The following CIROP variants were observed in gnomAD, a reference collection of about 807,000 sequenced individuals.
The protein encoded by CIROP is leishmanolysin homolog.
the CIROP span, chr14:23,103,593 T>A: frequency 1.3e-5 from 4 of 317,210 alleles, no homozygotes; most frequent in African/African-American, 1.1e-4. Flanking sequence ...AAAACAAAAC[T>A]GCTTTTATGC....
At chr14:23,104,986 C>CA in the CIROP span, 24 of 630,810 alleles carry the variant, frequency 3.8e-5, no homozygotes, top group Non-Finnish European at 6.6e-5. Flanking sequence ...TTCCCTGGCT[C>CA]ACTGTTTCTG....
At chr14:23,103,870 T>C in the CIROP span, 5 of 684,958 alleles carry the variant, frequency 7.3e-6, no homozygotes, top group South Asian at 1.5e-5. Context: ...CAGTAGGAAA[T>C]TGGGTATGAG....
the CIROP span, chr14:23,100,143 A>C: frequency 5.7e-6 from 1 of 174,208 alleles, no homozygotes. Context: ...AGTCCCAGCT[A>C]CTTGGGAAGC....
At chr14:23,104,901 AGC>A in the CIROP span, 3 of 568,602 alleles carry the variant, frequency 5.3e-6, no homozygotes, top group South Asian at 5.2e-5. Context: ...CAGCAGCAGC[AGC>A]AGCAGCAGCA....
At chr14:23,103,953 C>A in the CIROP span, 1 of 591,252 alleles carries the variant, frequency 1.7e-6, no homozygotes, top group Non-Finnish European at 3.0e-6. Context: ...GAGTTCTGCC[C>A]CTTCACCCCC....
At chr14:23,099,125 T>C in the CIROP span, 1 of 409,916 alleles carries the variant, frequency 2.4e-6, no homozygotes, top group Non-Finnish European at 4.5e-6. Flanking sequence ...ACTGTAAAAC[T>C]TCACCCTTTT....
chr14:23,101,860 T>C, the CIROP span: 2 of 702,526 alleles, frequency 2.8e-6, no homozygotes, highest in Non-Finnish European at 5.2e-6. Flanking sequence ...ACAGAAGAAG[T>C]CTGAGGAGCC....
the CIROP span, chr14:23,103,078 G>A: frequency 4.2e-6 from 2 of 477,686 alleles, no homozygotes; most frequent in Non-Finnish European, 7.3e-6. Context: ...ACAGGGTAGG[G>A]CCAGAAAGGA....
At chr14:23,104,095 T>C in the CIROP span, 7 of 588,276 alleles carry the variant, frequency 1.2e-5, no homozygotes, top group Middle Eastern at 4.4e-4. Context: ...TCCCTGAGAC[T>C]GAGAGGTGAG....
the CIROP span, chr14:23,100,720 C>T: frequency 2.5e-6 from 1 of 398,838 alleles, no homozygotes; most frequent in African/African-American, 2.1e-5. Flanking sequence ...AGATATAGTT[C>T]CTGGCAGAGT....
chr14:23,100,685 A>G, the CIROP span: 1 of 399,080 alleles, frequency 2.5e-6, no homozygotes, highest in Non-Finnish European at 4.4e-6. Context: ...ATAGCACCTA[A>G]ATGGACATTT....
chr14:23,101,838 A>G, the CIROP span: 1 of 702,716 alleles, frequency 1.4e-6, no homozygotes, highest in Non-Finnish European at 2.6e-6. Context: ...CTCAGCACAC[A>G]CACCTGCCAG....
chr14:23,104,086 C>A, the CIROP span, among the ~76,000 whole-genome samples: 49 of 152,314 alleles, frequency 3.2e-4, no homozygotes, highest in Non-Finnish European at 5.3e-4. Context: ...ATCTCCAGAT[C>A]CCTGAGACTG....
the CIROP span, chr14:23,104,708 A>G: frequency 1.4e-6 from 1 of 702,848 alleles, no homozygotes; most frequent in Non-Finnish European, 2.6e-6. Context: ...CTGATATATG[A>G]TCTCCTAGAT....
At chr14:23,104,687 C>A in the CIROP span, 1 of 702,978 alleles carries the variant, frequency 1.4e-6, no homozygotes, top group Non-Finnish European at 2.6e-6. Context: ...CCTCAGGATC[C>A]CAAGCTCCAT....
chr14:23,099,674 C>T, the CIROP span: 2 of 367,668 alleles, frequency 5.4e-6, no homozygotes, highest in African/African-American at 2.1e-5. Flanking sequence ...ATTCTCCTGC[C>T]TCAACCTTCC....
At chr14:23,101,114 C>T in the CIROP span, 1 of 401,852 alleles carries the variant, frequency 2.5e-6, no homozygotes, top group Non-Finnish European at 4.4e-6. Context: ...ATGGTTTTGC[C>T]TTACCTGTTC....
At chr14:23,104,579 A>G in the CIROP span, 1 of 698,108 alleles carries the variant, frequency 1.4e-6, no homozygotes, top group Non-Finnish European at 2.6e-6. Flanking sequence ...CCTCCCTGAC[A>G]CCTCTGTTCC....
chr14:23,101,215 T>C, the CIROP span: 5 of 430,478 alleles, frequency 1.2e-5, no homozygotes, highest in Non-Finnish European at 2.0e-5. Context: ...CAAAACAGGT[T>C]GGACAGTACC....
Sources: allele counts gnomAD v4.1 joint callset (sites outside exome capture counted in the v4.1 genomes callset), GRCh38; gene constraint gnomAD v4.1.1; transcripts MANE v1.5; gene names NCBI Gene and HGNC (gene_info 2026-07-23, HGNC 2026-07-21).